The following RUNX3 variants were observed in gnomAD, a reference collection of about 807,000 sequenced individuals.
RUNX3 encodes RUNX family transcription factor 3, also known as runt-related transcription factor 3.
Under a neutral mutation model 27.7 loss-of-function variants are expected in RUNX3, and 10 were observed. The ratio of observed to expected loss-of-function variants is 0.36; its 90% CI spans 0.22 to 0.61. RUNX3 has a LOEUF of 0.61. Among genes scored for constraint, RUNX3 ranks in the 20% least tolerant of loss-of-function variants. The pLI is 0.72. For synonymous variants in RUNX3, 270 were observed against 269.2 expected (o/e 1.00, Z -0.03); for missense variants, 469 against 629.5 (o/e 0.75, Z 2.73).
chr1:24,946,627 T>C lies in RUNX3; in HGVS notation c.59-16775A>G, dbSNP rs375435195. Among the ~76,000 whole-genome samples, 5 of 151,966 alleles carry C rather than the reference T, an allele frequency of 3.3e-5. 1 individual carries two copies. The East Asian group carries it at 5.8e-4, about 18-fold the overall frequency. On this transcript the variant is annotated intron_variant, in intron 2 of 6. Coordinates refer to the RUNX3 transcript ENST00000338888. Reference sequence around the variant, plus strand: ...CCCTTGTGATGGGCTGTTTAGGGGGTTTCCAGATTTCTGTCAGGGAACACC... The same window carrying C: ...CCCTTGTGATGGGCTGTTTAGGGGGCTTCCAGATTTCTGTCAGGGAACACC...
intron 4 of RUNX3, among the ~76,000 whole-genome samples, chr1:24,906,446 CA>C (rs1253349176): frequency 6.6e-6 from 1 of 152,254 alleles, no homozygotes; most frequent in Admixed American, 6.5e-5. Context: ...GCACCCTTGG[CA>C]CCCCACTTAG....
In RUNX3 at chr1:24,916,854, C is replaced by T. The variant is rs934167041; in HGVS notation, c.544+2386G>A. Among the ~76,000 whole-genome samples the T allele has an allele frequency of 2.0e-5, 3 of 152,194 alleles. No individual in the cohort carries two copies. Among genetic ancestry groups the T allele is most frequent in the African/African-American group, 2.4e-5 (1 of 41,424 alleles). ...GTGGTGCAGCAAGCCTGGCTTCTGA[C>T]GCCGTGGGTCTCCAGGCCCAGCCTC... On this transcript the variant is annotated intron_variant, in intron 3 of 4. Coordinates refer to ENST00000308873, the MANE Select transcript of RUNX3 (RefSeq NM_004350.3). The surrounding 1 kb of genome is among the most constrained non-coding windows in gnomAD (Gnocchi z 4.8).
rs181422943 is a variant in RUNX3, at chr1:24,902,038, G to A, written c.*84C>T. ...ACCCTGGAGCGCAGGTCCCATTCCCGCCCGGAGCCTCGGAGCCGGCCCATC... is the reference window on the plus strand; with the variant it reads ...ACCCTGGAGCGCAGGTCCCATTCCCACCCGGAGCCTCGGAGCCGGCCCATC... On this transcript the variant is annotated 3_prime_UTR_variant, in exon 5 of 5. Coordinates refer to ENST00000308873, the MANE Select transcript of RUNX3 (RefSeq NM_004350.3). The surrounding 1 kb of genome is among the most constrained non-coding windows in gnomAD (Gnocchi z 9.2). 7.2e-3 allele frequency: 9,508 copies of A among 1,322,918 alleles called. 44 individuals carry two copies. Among genetic ancestry groups the A allele is most frequent in the Middle Eastern group, 0.022 (83 of 3,704 alleles). 81.9% of individuals were successfully genotyped at this position (1,322,918 alleles called of 1,614,324 possible).
intron 2 of RUNX3, among the ~76,000 whole-genome samples, chr1:24,926,536 C>T (rs1197088389): frequency 1.3e-5 from 2 of 152,284 alleles, no homozygotes; most frequent in African/African-American, 4.8e-5. Flanking sequence ...ATATGGCTGA[C>T]ATTTGTATGT....
intron 2 of RUNX3, among the ~76,000 whole-genome samples, chr1:24,920,433 T>C (rs1290860536): frequency 6.6e-6 from 1 of 152,158 alleles, no homozygotes; most frequent in Non-Finnish European, 1.5e-5. Context: ...TGAGGCTGCG[T>C]CACACCCCAG....
At chr1:24,964,098 C>G (rs1356788829) in intron 2 of RUNX3, among the ~76,000 whole-genome samples, 1 of 152,230 alleles carries the variant, frequency 6.6e-6, no homozygotes, top group African/African-American at 2.4e-5. Context: ...CATCCCACAG[C>G]TCTCCCCAGA....
Position 24,964,669 on chromosome 1 carries a change from C to G in RUNX3, c.-97-1G>C. Reference sequence around the variant, plus strand: ...GTTTTATTTTTTTTTCCTCTAGCTACTTTTGAAAATAAAAGGGGGGGGTGT... The same window carrying G: ...GTTTTATTTTTTTTTCCTCTAGCTAGTTTTGAAAATAAAAGGGGGGGGTGT... On this transcript the variant is annotated splice_acceptor_variant, in intron 1 of 6. Coordinates refer to the RUNX3 transcript ENST00000338888. LOFTEE classifies it low-confidence loss of function (5UTR_SPLICE). The G allele has an allele frequency of 3.3e-6, 5 of 1,515,756 alleles. No homozygotes were observed. Among genetic ancestry groups the G allele is most frequent in the Non-Finnish European group, 4.4e-6 (5 of 1,125,414 alleles). 93.9% of individuals were successfully genotyped at this position (1,515,756 alleles called of 1,614,324 possible).
intron 3 of RUNX3, among the ~76,000 whole-genome samples, chr1:24,918,695 A>G (rs977948353): frequency 1.3e-5 from 2 of 152,106 alleles, no homozygotes; most frequent in African/African-American, 4.8e-5. Flanking sequence ...GAGAGAATTA[A>G]ACACAAACTC....
At chr1:24,903,466 T>C (rs965780924) in intron 4 of RUNX3, among the ~76,000 whole-genome samples, 1 of 152,216 alleles carries the variant, frequency 6.6e-6, no homozygotes, top group African/African-American at 2.4e-5. Context: ...CTGGTCACAG[T>C]GTCCAGCCCA....
At position 24,929,492 on chromosome 1, in the gene RUNX3, C is replaced by T. The variant is rs757359840; in HGVS notation, c.282+95G>A. ...GGTGTCGCCGCGGCGTCTCGGGCAC[C>T]TCCCATCCCCACTGCTCCCGAGGCT... On this transcript the variant is annotated intron_variant, in intron 1 of 4. Coordinates refer to ENST00000308873, the MANE Select transcript of RUNX3 (RefSeq NM_004350.3). 3.0e-4 allele frequency: 386 copies of T among 1,273,614 alleles called. 1 individual carries two copies. Among genetic ancestry groups the T allele is most frequent in the Admixed American group, 5.7e-4 (29 of 50,584 alleles). The allele number at this position is 1,273,614 out of a possible 1,614,324, so 78.9% of individuals were successfully genotyped here.
rs1396258180 is a variant in RUNX3 at position 24,902,989 on chromosome 1, G to A, written c.704-323C>T. 6.6e-6 allele frequency among the ~76,000 whole-genome samples: 1 copy of A among 152,220 alleles called. No individual in the cohort carries two copies. The highest frequency in any genetic ancestry group is 1.9e-4 in the East Asian group (1 of 5,188). On this transcript the variant is annotated intron_variant, in intron 4 of 4. Transcript: ENST00000308873. This position sits in a 1 kb window ranked among gnomAD's most constrained non-coding sequence, Gnocchi z 9.2. Reference sequence around the variant, plus strand: ...GCCTCGCAGAGGAGAGGCCTAGGATGCGGTGGTGGGGCTGAGGGCAGAGTC... The same window carrying A: ...GCCTCGCAGAGGAGAGGCCTAGGATACGGTGGTGGGGCTGAGGGCAGAGTC...
chr1:24,923,093 C>T lies in RUNX3; in HGVS notation c.440-3749G>A, dbSNP rs59607986. On this transcript the variant is annotated intron_variant, in intron 2 of 4. Transcript: ENST00000308873. This position sits in a 1 kb window ranked among gnomAD's most constrained non-coding sequence, Gnocchi z 5.9. Reference sequence around the variant, plus strand: ...CTCCCATTTTGCACACAGGTACTAACGTCCCGCTCCTGAGAAGTGAGAAGC... The same window carrying T: ...CTCCCATTTTGCACACAGGTACTAATGTCCCGCTCCTGAGAAGTGAGAAGC... Among the ~76,000 whole-genome samples, 4,538 of 152,226 alleles carry T rather than the reference C, an allele frequency of 0.03. 220 individuals carry two copies. The highest frequency in any genetic ancestry group is 0.1 in the African/African-American group (4,226 of 41,482).
chr1:24,907,663 CGCG>C lies in RUNX3; in HGVS notation c.545-249_545-247del, dbSNP rs1267121671. On this transcript the variant is annotated intron_variant, in intron 3 of 4. Transcript: ENST00000308873. ...CACGGTGATCCAAACCTCTACAACA[CGCG>C]GTGATCTAAACCTCTACAACACGCG... Among the ~76,000 whole-genome samples, 7 of 152,248 alleles carry C rather than the reference CGCG, an allele frequency of 4.6e-5. No individual in the cohort carries two copies. The South Asian group carries it at 1.2e-3, about 27-fold the overall frequency.
chr1:24,908,134 G>C (rs1417071910), intron 3 of RUNX3, among the ~76,000 whole-genome samples: 2 of 111,644 alleles, frequency 1.8e-5, no homozygotes, highest in Non-Finnish European at 3.5e-5. Context: ...AAACCTCTAT[G>C]ACACGCGGTG....
Position 24,937,102 on chromosome 1 carries a change from G to C in RUNX3, c.59-7250C>G, listed in dbSNP as rs1306856025. On this transcript the variant is annotated intron_variant, in intron 2 of 6. Transcript: ENST00000338888. ...GGCAGGGCCAGCGGTCATGGTCCCA[G>C]CTGCAATCCTGGGGAGAGGGAGTGA... Among the ~76,000 whole-genome samples, 3 of 152,354 alleles carry C rather than the reference G, an allele frequency of 2.0e-5. No homozygotes were observed. In the East Asian group the frequency reaches 5.8e-4, roughly 29 times the overall value.
intron 2 of RUNX3, among the ~76,000 whole-genome samples, chr1:24,935,731 T>G (rs1020182302): frequency 6.6e-6 from 1 of 152,222 alleles, no homozygotes; most frequent in Non-Finnish European, 1.5e-5. Context: ...TGATCATTGG[T>G]CTATGACTAA....
chr1:24,941,195 A>G (rs1641471344), intron 2 of RUNX3, among the ~76,000 whole-genome samples: 1 of 152,102 alleles, frequency 6.6e-6, no homozygotes, highest in African/African-American at 2.4e-5. Flanking sequence ...AAGCACTTCT[A>G]GGTAACAGCC....
At position 24,962,882 on chromosome 1, in the gene RUNX3, C is replaced by A. The variant is rs1642155330; in HGVS notation, c.58+1632G>T. 1 of 152,218 alleles carries A rather than the reference C, an allele frequency of 6.6e-6. No homozygotes were observed. The highest frequency in any genetic ancestry group is 2.1e-4 in the South Asian group (1 of 4,832). 9.4% of individuals were successfully genotyped at this position (152,218 alleles called of 1,614,324 possible). On this transcript the variant is annotated intron_variant, in intron 2 of 6. Coordinates refer to the RUNX3 transcript ENST00000338888. This position sits in a 1 kb window ranked among gnomAD's most constrained non-coding sequence, Gnocchi z 4.5. Reference sequence around the variant, plus strand: ...TCTCCCAAGGTTCCTTTGTTTTAAACCCTACATTTCTCCATCTTGCGCACG... The same window carrying A: ...TCTCCCAAGGTTCCTTTGTTTTAAAACCTACATTTCTCCATCTTGCGCACG...
Position 24,923,702 on chromosome 1 carries a change from C to T in RUNX3, c.439+3872G>A, listed in dbSNP as rs113625208. Reference sequence around the variant, plus strand: ...GAGCTGCATGGGTGGGGGGAGGGGACGTGTCTCAGTCTCAGGGGACCTCGG... The same window carrying T: ...GAGCTGCATGGGTGGGGGGAGGGGATGTGTCTCAGTCTCAGGGGACCTCGG... On this transcript the variant is annotated intron_variant, in intron 2 of 4. Coordinates refer to ENST00000308873, the MANE Select transcript of RUNX3 (RefSeq NM_004350.3). This position sits in a 1 kb window ranked among gnomAD's most constrained non-coding sequence, Gnocchi z 5.9. 2.0e-4 allele frequency among the ~76,000 whole-genome samples: 30 copies of T among 152,182 alleles called. No individual in the cohort carries two copies. The highest frequency in any genetic ancestry group is 2.8e-4 in the Non-Finnish European group (19 of 67,996).
Sources: gnomAD v4.1 joint callset for allele counts (sites outside exome capture counted in the v4.1 genomes callset) on GRCh38, gnomAD v4.1.1 for gene constraint, Gnocchi (gnomAD v3.1) non-coding constraint, MANE v1.5 for transcripts, NCBI Gene and HGNC (gene_info 2026-07-23, HGNC 2026-07-21) for gene names.